The following CNGB1 variants were observed in gnomAD, a reference collection of about 807,000 sequenced individuals.
CNGB1 encodes the protein cyclic nucleotide-gated channel beta-1.
CNGB1 carries 126 observed loss-of-function variants against 151.7 expected under a neutral mutation model. The observed-to-expected ratio is 0.83, with a 90% CI of 0.72 to 0.96. CNGB1 has a LOEUF of 0.96. Among genes scored for constraint, CNGB1 ranks in the 40% least tolerant of loss-of-function variants. The pLI is 0.00. For missense variants in CNGB1, 1,698 were observed against 1,627.0 expected (o/e 1.04, Z -0.75); for synonymous variants, 623 against 635.1 (o/e 0.98, Z 0.29).
intron 32 of CNGB1, among the ~76,000 whole-genome samples, chr16:57,886,336 C>A (rs902176442): frequency 3.3e-5 from 5 of 152,186 alleles, no homozygotes; most frequent in Non-Finnish European, 7.4e-5. Context: ...CACAAGCCCA[C>A]CCCAGCTGAA....
chr16:57,904,825 C>A lies in CNGB1; in HGVS notation c.2543G>T (p.Gly848Val), dbSNP rs758072259. ...FAVKTLITIG[G>V]LPDPKTLFEI... ...AAAGAGTGTCTTGGGGTCAGGCAGC[C>A]CCCCGATGGTGATGAGGGTCTTCAC... The change falls in exon 26 of 33, where the codon GGG becomes GTG. Residue 848 changes from glycine to valine, a missense_variant. Coordinates refer to ENST00000251102, the MANE Select transcript of CNGB1 (RefSeq NM_001297.5). 5 of 1,614,080 alleles carry A rather than the reference C, an allele frequency of 3.1e-6. No homozygotes were observed. The highest frequency in any genetic ancestry group is 4.2e-6 in the Non-Finnish European group (5 of 1,180,020).
At position 57,907,363 on chromosome 16, in the gene CNGB1, A is replaced by G. The variant is rs76658839; in HGVS notation, c.2493-2488T>C. ...GCTCTCTTTCCCTAGAAAAGCCAAC[A>G]TATGCTCAAATTTTAGCTCCAATGT... is the stretch of plus-strand genomic sequence containing the variant. On this transcript the variant is annotated intron_variant, in intron 25 of 32. Transcript: ENST00000251102. 6.0e-3 allele frequency among the ~76,000 whole-genome samples: 907 copies of G among 152,178 alleles called. 2 individuals carry two copies. Among genetic ancestry groups the G allele is most frequent in the Non-Finnish European group, 9.8e-3 (668 of 67,992 alleles).
At position 57,964,092 on chromosome 16, in the gene CNGB1, C is replaced by T. The variant is rs202171147; in HGVS notation, c.290+38G>A. ...CCTAGCTGGGAGGGTAGTTGGGAGG[C>T]GGGCTGGCCCTGAAGAGAGGGGAGG... On this transcript the variant is annotated intron_variant, in intron 4 of 32. Coordinates refer to ENST00000251102, the MANE Select transcript of CNGB1 (RefSeq NM_001297.5). 3.1e-3 allele frequency: 4,953 copies of T among 1,602,396 alleles called. 15 individuals carry two copies. Among genetic ancestry groups the T allele is most frequent in the Non-Finnish European group, 3.8e-3 (4,473 of 1,170,464 alleles).
intron 29 of CNGB1, 52 bp downstream of exon 29, chr16:57,901,300 G>T: frequency 1.3e-6 from 2 of 1,573,848 alleles, no homozygotes; most frequent in Non-Finnish European, 8.7e-7. Context: ...TTCCTTGAAA[G>T]CCAGGGGGAT....
chr16:57,953,019 C>T (rs115712728), intron 12 of CNGB1, among the ~76,000 whole-genome samples: 2,299 of 152,226 alleles, frequency 0.015, 68 homozygotes, highest in African/African-American at 0.053. Flanking sequence ...TCCAACTGCC[C>T]CTCTCTACAG....
chr16:57,900,577 C>T (rs1199738623), intron 29 of CNGB1, among the ~76,000 whole-genome samples: 1 of 152,234 alleles, frequency 6.6e-6, no homozygotes, highest in East Asian at 1.9e-4. Context: ...TTGTCAGGCC[C>T]CAGGATTCAA....
chr16:57,913,297 G>A (rs1960782832), intron 23 of CNGB1, among the ~76,000 whole-genome samples: 1 of 152,088 alleles, frequency 6.6e-6, no homozygotes, highest in Non-Finnish European at 1.5e-5. Context: ...ACTTTTAGGG[G>A]TACATGCATC....
intron 1 of CNGB1, among the ~76,000 whole-genome samples, chr16:57,970,035 C>T (rs1018330633): frequency 6.6e-6 from 1 of 152,234 alleles, no homozygotes; most frequent in Non-Finnish European, 1.5e-5. Context: ...TGCTGCCTGT[C>T]CTCTACTTAC....
rs142128862 is a variant in CNGB1, at chr16:57,940,490, C to A, written c.1122-169G>T. ...CAGGGCAGTGTCCTACTAACAATCACCCCATCTGAGACATGCACTCAGCAA... is the reference window on the plus strand; with the variant it reads ...CAGGGCAGTGTCCTACTAACAATCAACCCATCTGAGACATGCACTCAGCAA... On this transcript the variant is annotated intron_variant, in intron 14 of 32. Coordinates refer to ENST00000251102, the MANE Select transcript of CNGB1 (RefSeq NM_001297.5). Among the ~76,000 whole-genome samples, 103 of 152,238 alleles carry A rather than the reference C, an allele frequency of 6.8e-4. 2 individuals carry two copies. The East Asian group carries it at 0.017, about 25-fold the overall frequency.
intron 20 of CNGB1, among the ~76,000 whole-genome samples, chr16:57,918,701 C>G (rs1427495507): frequency 1.3e-5 from 2 of 152,020 alleles, no homozygotes; most frequent in African/African-American, 4.8e-5. Context: ...ATTCCAGGGA[C>G]TTTTGTTGTT....
At position 57,896,399 on chromosome 16, in the gene CNGB1, T is replaced by A. The variant is rs537037057; in HGVS notation, c.3242+998A>T. On this transcript the variant is annotated intron_variant, in intron 31 of 32. Transcript: ENST00000251102. ...GAGAAAACATCAGACAAACCCCAAC[T>A]GAGGGGCATTCTGTAAAATAACTGG... 2.0e-5 allele frequency among the ~76,000 whole-genome samples: 3 copies of A among 152,198 alleles called. No homozygotes were observed. The East Asian group carries it at 5.8e-4, about 29-fold the overall frequency.
intron 29 of CNGB1, among the ~76,000 whole-genome samples, chr16:57,900,919 C>A (rs1433796506): frequency 6.6e-6 from 1 of 151,996 alleles, no homozygotes; most frequent in African/African-American, 2.4e-5. Context: ...CACCAGTTTG[C>A]AACCTCTGAC....
chr16:57,949,294 A>G, intron 14 of CNGB1, 59 bp downstream of exon 14: 1 of 1,600,940 alleles, frequency 6.2e-7, no homozygotes, highest in Non-Finnish European at 8.5e-7. Flanking sequence ...CCCAGACCCC[A>G]GGAGCTCAGC....
intron 4 of CNGB1, among the ~76,000 whole-genome samples, chr16:57,963,578 G>A (rs1445926735): frequency 6.6e-6 from 1 of 152,166 alleles, no homozygotes; most frequent in Non-Finnish European, 1.5e-5. Context: ...CCCAGCCCCA[G>A]CCCTGCTCAG....
intron 14 of CNGB1, 110 bp from the exon 15 acceptor site, chr16:57,940,431 A>T (rs1961639825): frequency 9.5e-7 from 1 of 1,056,038 alleles, no homozygotes; most frequent in African/African-American, 1.6e-5. Context: ...GGGTACAGAG[A>T]TGCCCAAGAA....
chr16:57,953,424 G>T (rs1356909048), intron 12 of CNGB1, among the ~76,000 whole-genome samples: 3 of 148,734 alleles, frequency 2.0e-5, no homozygotes, highest in African/African-American at 5.0e-5. Flanking sequence ...GAACCCGGGA[G>T]GTAGAGGTTG....
At chr16:57,969,624 C>A (rs369003690) in intron 1 of CNGB1, among the ~76,000 whole-genome samples, 14 of 152,280 alleles carry the variant, frequency 9.2e-5, no homozygotes, top group Middle Eastern at 3.4e-3. Context: ...AAATAAAATG[C>A]TTATAGTGCT....
rs539237949 is a variant in CNGB1 at position 57,908,377 on chromosome 16, C to T, written c.2492+3376G>A. 7.2e-5 allele frequency among the ~76,000 whole-genome samples: 11 copies of T among 152,370 alleles called. 1 individual carries two copies. The South Asian group carries it at 2.3e-3, about 32-fold the overall frequency. The stretch of plus-strand genomic sequence containing the variant: ...CACCTGTTCCCACTGGGAGCAAGGG[C>T]CTGGGGGTAGACAGCTGGACCACGG... On this transcript the variant is annotated intron_variant, in intron 25 of 32. Transcript: ENST00000251102.
chr16:57,962,827 GC>G lies in CNGB1; in HGVS notation c.412+14del. 6.2e-7 allele frequency: 1 copy of G among 1,612,610 alleles called. No individual in the cohort carries two copies. Among genetic ancestry groups the G allele is most frequent in the Non-Finnish European group, 8.5e-7 (1 of 1,179,982 alleles). On this transcript the variant is annotated intron_variant, in intron 6 of 32. Coordinates refer to ENST00000251102, the MANE Select transcript of CNGB1 (RefSeq NM_001297.5). The stretch of plus-strand genomic sequence containing the variant: ...AGCCCTGCTGCTGAAAAGCCATCCT[GC>G]CCCTTGTTCTTACCTGTGTCCCCAG...
Sources: gnomAD v4.1 joint callset for allele counts (sites outside exome capture counted in the v4.1 genomes callset) on GRCh38, gnomAD v4.1.1 for gene constraint, MANE v1.5 for transcripts, NCBI Gene and HGNC (gene_info 2026-07-23, HGNC 2026-07-21) for gene names.